The following CFAP300 variants were observed in gnomAD, a reference collection of about 807,000 sequenced individuals.
CFAP300 encodes cilia- and flagella-associated protein 300.
In CFAP300, 32 loss-of-function variants were observed where a neutral mutation model predicts 33.0. The ratio of observed to expected loss-of-function variants is 0.97; its 90% CI spans 0.73 to 1.30. The LOEUF (loss-of-function observed/expected upper bound fraction) is 1.30, where lower values mean the gene tolerates loss of function less well. CFAP300 is among the 50% of genes most tolerant of loss of function. The probability of loss-of-function intolerance (pLI) is 0.00; values close to 1 mark genes in which losing one functional copy is unlikely to be tolerated. For synonymous variants in CFAP300, 102 were observed against 106.8 expected, an observed-to-expected ratio of 0.95 and a Z score of 0.28; for missense variants, 356 against 318.1, an observed-to-expected ratio of 1.12 and a Z score of -0.90.
At chr11:102,067,716 A>T (rs1942249724) in intron 4 of CFAP300, among the ~76,000 whole-genome samples, 1 of 152,132 alleles carries the variant, frequency 6.6e-6, no homozygotes, top group Non-Finnish European at 1.5e-5. Context: ...GTCAGCTTGG[A>T]CAACAGAGCA....
chr11:102,055,452 G>A (rs1389967495), intron 2 of CFAP300, among the ~76,000 whole-genome samples: 1 of 143,502 alleles, frequency 7.0e-6, no homozygotes, highest in East Asian at 2.2e-4. Flanking sequence ...CACTCCCCTG[G>A]GCTTTAGCAG....
At position 102,060,899 on chromosome 11, in the gene CFAP300, A is replaced by G. The variant is rs577964506; in HGVS notation, c.268+1944A>G. Among the ~76,000 whole-genome samples, 3 of 152,348 alleles carry G rather than the reference A, an allele frequency of 2.0e-5. No individual in the cohort carries two copies. The South Asian group carries it at 6.2e-4, about 32-fold the overall frequency. On this transcript the variant is annotated intron_variant, in intron 3 of 6. Transcript: ENST00000434758. The stretch of plus-strand genomic sequence containing the variant: ...GAAAAGCTGGTACAGACTACTTACA[A>G]AATTAAACTGAGTATCTGAGAGAAT...
chr11:102,055,449 C>G (rs1388467139), intron 2 of CFAP300, among the ~76,000 whole-genome samples: 1 of 150,524 alleles, frequency 6.6e-6, no homozygotes, highest in African/African-American at 2.5e-5. Context: ...CTCCACTCCC[C>G]TGGGCTTTAG....
chr11:102,058,525 G>T (rs1242666619), intron 2 of CFAP300, among the ~76,000 whole-genome samples: 4 of 148,720 alleles, frequency 2.7e-5, no homozygotes, highest in Admixed American at 2.1e-4. Flanking sequence ...TAAATTGACA[G>T]TTACTTTTGG....
In CFAP300 at chr11:102,084,517, C is replaced by T. The variant is rs1348140571; in HGVS notation, c.*1318C>T. The T allele has an allele frequency of 2.0e-5, 3 of 152,154 alleles. No individual in the cohort carries two copies. Among genetic ancestry groups the T allele is most frequent in the Admixed American group, 6.5e-5 (1 of 15,274 alleles). The allele number at this position is 152,154 out of a possible 1,614,324, so 9.4% of individuals were successfully genotyped here. The stretch of plus-strand genomic sequence containing the variant: ...ACTTTCTAGATATCCTCATAATACC[C>T]ATAGATTTTTTTAAATTACATAAAA... On this transcript the variant is annotated 3_prime_UTR_variant, in exon 7 of 7. Coordinates refer to ENST00000434758, the MANE Select transcript of CFAP300 (RefSeq NM_032930.3).
intron 4 of CFAP300, among the ~76,000 whole-genome samples, chr11:102,070,539 T>G (rs1942298190): frequency 6.6e-6 from 1 of 152,188 alleles, no homozygotes; most frequent in South Asian, 2.1e-4. Context: ...GTTTATTTAT[T>G]TATTTTTGTC....
chr11:102,047,510 T>G lies in CFAP300; in HGVS notation c.40T>G (p.Phe14Val). The G allele has an allele frequency of 1.3e-6, 2 of 1,535,986 alleles. No individual in the cohort carries two copies. The highest frequency in any genetic ancestry group is 1.2e-5 in the South Asian group (1 of 84,058). Residue 14 changes from phenylalanine to valine, a missense_variant, in exon 1 of 7, where the codon TTC (phenylalanine) becomes GTC (valine). Coordinates refer to ENST00000434758, the MANE Select transcript of CFAP300 (RefSeq NM_032930.3). ...GELGDLGGYY[F>V]RFLPQKTFQS... ...GCTCGGGGACTTGGGTGGCTACTAC[T>G]TCAGGTTCTTGCCTCAGAAAACCTT...
chr11:102,060,451 C>A (rs1489124867), intron 3 of CFAP300, among the ~76,000 whole-genome samples: 1 of 151,782 alleles, frequency 6.6e-6, no homozygotes, highest in Non-Finnish European at 1.5e-5. Context: ...TTTCATAATA[C>A]ATTGAAAGAG....
chr11:102,052,998 C>T (rs937176313), intron 2 of CFAP300, among the ~76,000 whole-genome samples: 6 of 151,790 alleles, frequency 4.0e-5, no homozygotes, highest in Admixed American at 2.0e-4. Flanking sequence ...GAGCCTGAGG[C>T]GGGTGGATCA....
intron 2 of CFAP300, among the ~76,000 whole-genome samples, chr11:102,050,787 G>A (rs1412914322): frequency 6.6e-6 from 1 of 152,212 alleles, no homozygotes; most frequent in African/African-American, 2.4e-5. Context: ...TAATGTTGGA[G>A]AGATGGGTGG....
At chr11:102,070,563 T>C (rs1036532023) in intron 4 of CFAP300, among the ~76,000 whole-genome samples, 1 of 152,172 alleles carries the variant, frequency 6.6e-6, no homozygotes, top group African/African-American at 2.4e-5. Context: ...ATTTTGTTTA[T>C]TTGTGCTCTG....
At chr11:102,070,214 A>G (rs967901969) in intron 4 of CFAP300, among the ~76,000 whole-genome samples, 2 of 152,214 alleles carry the variant, frequency 1.3e-5, no homozygotes, top group African/African-American at 4.8e-5. Context: ...GCAATTAAGT[A>G]TGGACTGCTT....
chr11:102,081,237 A>G lies in CFAP300; in HGVS notation c.631A>G (p.Lys211Glu), dbSNP rs771677036. The change falls in exon 6 of 7, where the codon AAG (lysine) becomes GAG (glutamate). Residue 211 changes from lysine to glutamate, a missense_variant. Physicochemically the swap from Lys to Glu is moderately conservative, Grantham distance 56 (BLOSUM62 1). Coordinates refer to ENST00000434758, the MANE Select transcript of CFAP300 (RefSeq NM_032930.3). ...TAGTGTTCGAAAGAATCCTCAAACC[A>G]AGAAAATACAGATTACCTCTTCTGT... ...LVSVRKNPQT[K>E]KIQITSSVFK... The G allele has an allele frequency of 1.2e-6, 2 of 1,610,650 alleles. No homozygotes were observed. The highest frequency in any genetic ancestry group is 2.2e-5 in the East Asian group (1 of 44,794).
At position 102,081,373 on chromosome 11, in the gene CFAP300, A is replaced by T. The variant is rs757772345; in HGVS notation, c.675+92A>T. ...TGGAGTTAACAATCAGGACAATGTT[A>T]TGCCTAGGAGAAAAGACAATGTTAT... On this transcript the variant is annotated intron_variant, in intron 6 of 6. Coordinates refer to ENST00000434758, the MANE Select transcript of CFAP300 (RefSeq NM_032930.3). 1.9e-5 allele frequency: 19 copies of T among 992,910 alleles called. No individual in the cohort carries two copies. In the South Asian group the frequency reaches 2.4e-4, roughly 13 times the overall value. The allele number at this position is 992,910 out of a possible 1,614,324, so 61.5% of individuals were successfully genotyped here.
intron 2 of CFAP300, among the ~76,000 whole-genome samples, chr11:102,051,893 G>C (rs1941977382): frequency 6.6e-6 from 1 of 152,094 alleles, no homozygotes; most frequent in African/African-American, 2.4e-5. Flanking sequence ...ATTTTCACAT[G>C]CATTTTGACA....
At chr11:102,064,287 C>A (rs1942192166) in intron 3 of CFAP300, among the ~76,000 whole-genome samples, 1 of 152,132 alleles carries the variant, frequency 6.6e-6, no homozygotes, top group African/African-American at 2.4e-5. Context: ...GATGTCAGTC[C>A]CTCCTCCTGT....
Position 102,055,361 on chromosome 11 carries a change from C to CTTTTTTT in CFAP300, c.193-3512_193-3506dup, listed in dbSNP as rs561779599. Among the ~76,000 whole-genome samples the CTTTTTTT allele has an allele frequency of 3.5e-5, 4 of 113,512 alleles. 1 individual carries two copies. The highest frequency in any genetic ancestry group is 6.8e-5 in the Non-Finnish European group (4 of 59,122). The allele number at this position is 113,512 out of a possible 152,430, so 74.5% of individuals were successfully genotyped here. A position where few individuals can be genotyped will look rare whatever the true frequency, so the allele number is the denominator to read the frequency against. The stretch of plus-strand genomic sequence containing the variant: ...ATTTTGTTTTACCACATGCGTTACT[C>CTTTTTTT]TTTTTTTTTTTTTGAGATAGGGTCT... On this transcript the variant is annotated intron_variant, in intron 2 of 6. Transcript: ENST00000434758.
intron 2 of CFAP300, among the ~76,000 whole-genome samples, chr11:102,058,377 C>G (rs1942090034): frequency 6.6e-6 from 1 of 151,768 alleles, no homozygotes; most frequent in Admixed American, 6.6e-5. Flanking sequence ...CTGTGAAAAC[C>G]CAGTCATCAT....
chr11:102,051,265 G>T (rs1348925695), intron 2 of CFAP300, among the ~76,000 whole-genome samples: 1 of 152,158 alleles, frequency 6.6e-6, no homozygotes, highest in Non-Finnish European at 1.5e-5. Context: ...TGAATTTCAA[G>T]AAAGCTCTGG....
Sources: gnomAD v4.1 joint callset for allele counts (sites outside exome capture counted in the v4.1 genomes callset) on GRCh38, gnomAD v4.1.1 for gene constraint, MANE v1.5 for transcripts, NCBI Gene and HGNC (gene_info 2026-07-23, HGNC 2026-07-21) for gene names.